EGFR: variants seen among roughly 807,000 people sequenced by gnomAD.
The protein encoded by EGFR is avian erythroblastic leukemia viral (v-erb-b) oncogene homolog.
In EGFR, 58 loss-of-function variants were observed where a neutral mutation model predicts 143.0. The observed-to-expected ratio is 0.41, with a 90% confidence interval of 0.33 to 0.50. The LOEUF (loss-of-function observed/expected upper bound fraction) is 0.50, where lower values mean the gene tolerates loss of function less well. EGFR is among the 20% of genes least tolerant of loss of function. The pLI is 0.39. For synonymous variants in EGFR, 613 were observed against 594.4 expected (o/e 1.03, Z -0.45); for missense variants, 1,307 against 1,579.0 (o/e 0.83, Z 2.92).
At chr7:55,081,597 C>G (rs1453164740) in intron 1 of EGFR, among the ~76,000 whole-genome samples, 7 of 152,192 alleles carry the variant, frequency 4.6e-5, no homozygotes, top group South Asian at 2.1e-4. Flanking sequence ...TAAAGCAAAA[C>G]CATCCTTCCG....
At position 55,207,798 on chromosome 7, in the gene EGFR, G is replaced by T. The variant is rs563963496; in HGVS notation, c.*2181G>T. 1 of 152,414 alleles carries T rather than the reference G, an allele frequency of 6.6e-6. No individual in the cohort carries two copies. Among genetic ancestry groups the T allele is most frequent in the African/African-American group, 2.4e-5 (1 of 41,592 alleles). 9.4% of individuals were successfully genotyped at this position (152,414 alleles called of 1,614,324 possible). ...GTTGCAGCCCCCAGGGGGATTTTGA[G>T]CTATCATCTCTGCACATGCTTAGTG... On this transcript the variant is annotated 3_prime_UTR_variant, in exon 28 of 28. Coordinates refer to ENST00000275493, the MANE Select transcript of EGFR (RefSeq NM_005228.5).
chr7:55,028,813 C>T, intron 1 of EGFR, among the ~76,000 whole-genome samples: 1 of 152,070 alleles, frequency 6.6e-6, no homozygotes, highest in East Asian at 1.9e-4. Context: ...CCCTGGAACC[C>T]CAATGTCAGA....
rs372917735 is a variant in EGFR at position 55,201,359 on chromosome 7, T to C, written c.3114+4T>C. On this transcript the variant is annotated splice_donor_region_variant and intron_variant, in intron 25 of 27. Coordinates refer to ENST00000275493, the MANE Select transcript of EGFR (RefSeq NM_005228.5). The stretch of plus-strand genomic sequence containing the variant: ...GACTCCCCTCCTGAGCTCTCTGGTA[T>C]GAAATCTCTGTCTCTCTCTCTCTCT... 1 of 1,614,146 alleles carries C rather than the reference T, an allele frequency of 6.2e-7. No individual in the cohort carries two copies.
intron 22 of EGFR, among the ~76,000 whole-genome samples, chr7:55,194,966 G>A (rs886378775): frequency 6.6e-6 from 1 of 152,184 alleles, no homozygotes; most frequent in Non-Finnish European, 1.5e-5. Flanking sequence ...TAGGGGCCTA[G>A]TGTGTTGTAC....
At chr7:55,042,230 A>C (rs1431247953) in intron 1 of EGFR, among the ~76,000 whole-genome samples, 2 of 152,216 alleles carry the variant, frequency 1.3e-5, no homozygotes, top group Non-Finnish European at 2.9e-5. Context: ...GGAAACAGCT[A>C]TTAACTGGTA....
In EGFR at chr7:55,077,396, G is replaced by A. The variant is rs118170535; in HGVS notation, c.88+58031G>A. Among the ~76,000 whole-genome samples the A allele has an allele frequency of 5.1e-3, 776 of 152,232 alleles. 1 individual carries two copies. Among genetic ancestry groups the A allele is most frequent in the Admixed American group, 8.8e-3 (134 of 15,300 alleles). On this transcript the variant is annotated intron_variant, in intron 1 of 27. Transcript: ENST00000275493. ...GCTAAAATAGTGAATAAAATTCAGC[G>A]CAATATAAATCATAGTACAATTTCA... is the stretch of plus-strand genomic sequence containing the variant.
chr7:55,020,329 C>A (rs1173735481), intron 1 of EGFR, among the ~76,000 whole-genome samples: 2 of 152,200 alleles, frequency 1.3e-5, no homozygotes, highest in African/African-American at 4.8e-5. Context: ...GCCCTTCGGT[C>A]GCGCCTGGGC....
chr7:55,054,803 A>G (rs1238851997), intron 1 of EGFR, among the ~76,000 whole-genome samples: 1 of 152,132 alleles, frequency 6.6e-6, no homozygotes, highest in Non-Finnish European at 1.5e-5. Context: ...CTTCTTCCTC[A>G]GGTCTCAACC....
intron 15 of EGFR, 27 bp downstream of exon 15, chr7:55,165,464 A>G (rs1353744127): frequency 5.7e-6 from 9 of 1,581,082 alleles, no homozygotes; most frequent in East Asian, 2.3e-5. Flanking sequence ...GGAGAACAGA[A>G]CATTTCCTCT....
At position 55,019,336 on chromosome 7, in the gene EGFR, C is replaced by G. The variant is rs1028735720; in HGVS notation, c.59C>G (p.Pro20Arg). The G allele has an allele frequency of 7.9e-6, 12 of 1,518,732 alleles. No individual in the cohort carries two copies. Among genetic ancestry groups the G allele is most frequent in the South Asian group, 1.2e-5 (1 of 84,018 alleles). The allele number at this position is 1,518,732 out of a possible 1,614,324, so 94.1% of individuals were successfully genotyped here. Residue 20 changes from proline to arginine, a missense_variant, in exon 1 of 28, where the codon CCG (proline) becomes CGG (arginine). Pro to Arg is a moderately radical substitution (Grantham distance 103). Coordinates refer to ENST00000275493, the MANE Select transcript of EGFR (RefSeq NM_005228.5). ...CTGGCGCTGCTGGCTGCGCTCTGCC[C>G]GGCGAGTCGGGCTCTGGAGGAAAAG... is the stretch of plus-strand genomic sequence containing the variant. ...ALLALLAALCPASRALEEKKV... is the reference protein window; with the variant it reads ...ALLALLAALCRASRALEEKKV...
intron 1 of EGFR, among the ~76,000 whole-genome samples, chr7:55,076,422 C>T (rs1402162472): frequency 6.6e-6 from 1 of 152,150 alleles, no homozygotes; most frequent in African/African-American, 2.4e-5. Context: ...AAAAAAAATC[C>T]TGATAAGCAC....
intron 20 of EGFR, 145 bp downstream of exon 20, chr7:55,181,623 C>T: frequency 2.0e-6 from 2 of 978,380 alleles, no homozygotes; most frequent in Non-Finnish European, 3.1e-6. Context: ...ATTTTGGATT[C>T]AATCAAGTTG....
chr7:55,088,054 AACAC>A (rs3063038), intron 1 of EGFR, among the ~76,000 whole-genome samples: 29,897 of 150,382 alleles, frequency 0.2, 3,369 homozygotes, highest in African/African-American at 0.3. Context: ...TCAGGGTATA[AACAC>A]ACACACACAC....
chr7:55,041,747 G>A (rs1406462170), intron 1 of EGFR, among the ~76,000 whole-genome samples: 1 of 152,200 alleles, frequency 6.6e-6, no homozygotes, highest in Admixed American at 6.5e-5. Context: ...GTCCAAAGGA[G>A]TGAATAGGCC....
rs539446147 is a variant in EGFR, at chr7:55,172,767, A to T, written c.1920-216A>T. ...GCCTCAATTTTAAAAAATGAGGAAA[A>T]GTGTGCCTGGTAGGGGACTGGGGAG... is the stretch of plus-strand genomic sequence containing the variant. On this transcript the variant is annotated intron_variant, in intron 16 of 27. Coordinates refer to ENST00000275493, the MANE Select transcript of EGFR (RefSeq NM_005228.5). 45 of 1,366,914 alleles carry T rather than the reference A, an allele frequency of 3.3e-5. No homozygotes were observed. The South Asian group carries it at 5.4e-4, about 16-fold the overall frequency. The allele number at this position is 1,366,914 out of a possible 1,614,324, so 84.7% of individuals were successfully genotyped here.
intron 1 of EGFR, among the ~76,000 whole-genome samples, chr7:55,034,543 G>C (rs1787447658): frequency 6.6e-6 from 1 of 152,140 alleles, no homozygotes; most frequent in African/African-American, 2.4e-5. Context: ...CACACCCAAG[G>C]ACTGTGACTG....
intron 1 of EGFR, among the ~76,000 whole-genome samples, chr7:55,105,499 C>T (rs559107291): frequency 1.9e-4 from 29 of 152,338 alleles, no homozygotes; most frequent in African/African-American, 6.3e-4. Context: ...TCAAAGAGAA[C>T]CAGGCTCTAG....
chr7:55,183,262 C>CA (rs1241383883), intron 20 of EGFR, among the ~76,000 whole-genome samples: 13 of 149,298 alleles, frequency 8.7e-5, no homozygotes, highest in Admixed American at 1.3e-4. Flanking sequence ...CTTCTTAGCA[C>CA]AAAAAAAAAT....
intron 1 of EGFR, among the ~76,000 whole-genome samples, chr7:55,061,649 T>TGTGTGTGTGTGA (rs1432070752): frequency 4.9e-4 from 65 of 132,818 alleles, no homozygotes; most frequent in African/African-American, 6.6e-4. Context: ...TGTGTGTGTG[T>TGTGTGTGTGTGA]GAGAGAGAGA....
Sources: gnomAD v4.1 joint callset for allele counts (sites outside exome capture counted in the v4.1 genomes callset) on GRCh38, gnomAD v4.1.1 for gene constraint, MANE v1.5 for transcripts, NCBI Gene and HGNC (gene_info 2026-07-23, HGNC 2026-07-21) for gene names.